Variants in PNRC2 observed in about 807,000 individuals in gnomAD.
PNRC2 encodes the protein proline rich nuclear receptor coactivator 2.
A neutral mutation model predicts 12.2 loss-of-function variants in PNRC2; 2 were observed. That is an observed-to-expected ratio of 0.16 (90% CI 0.07 to 0.52). The LOEUF is 0.52. Ranked by LOEUF, PNRC2 falls within the 20% of genes least tolerant of loss-of-function variation. The pLI is 0.95. For missense variants in PNRC2, 115 were observed against 158.4 expected (o/e 0.73, Z 1.47); for synonymous variants, 44 against 53.9 (o/e 0.82, Z 0.80).
chr1:23,962,915 AGCT>A lies in PNRC2; in HGVS notation c.*1042_*1044del, dbSNP rs1452860609. ...TAAGTTTTATAACTAAAAAGGTTTA[AGCT>A]GCTAAAACTATTTTTAAGAGATGTG... On this transcript the variant is annotated 3_prime_UTR_variant, in exon 3 of 3. Transcript: ENST00000334351. 1 of 166,924 alleles carries A rather than the reference AGCT, an allele frequency of 6.0e-6. No individual in the cohort carries two copies. The highest frequency in any genetic ancestry group is 2.4e-5 in the African/African-American group (1 of 41,428). 10.3% of individuals were successfully genotyped at this position (166,924 alleles called of 1,614,324 possible). A position where few individuals can be genotyped will look rare whatever the true frequency, so the allele number is the denominator to read the frequency against.
rs1439809438 is a variant in PNRC2, at chr1:23,962,769, C to T, written c.*892C>T. The T allele has an allele frequency of 2.4e-5, 4 of 166,914 alleles. No homozygotes were observed. Among genetic ancestry groups the T allele is most frequent in the Non-Finnish European group, 5.9e-5 (4 of 68,042 alleles). The allele number at this position is 166,914 out of a possible 1,614,324, so 10.3% of individuals were successfully genotyped here. On this transcript the variant is annotated 3_prime_UTR_variant, in exon 3 of 3. Coordinates refer to ENST00000334351, the MANE Select transcript of PNRC2 (RefSeq NM_017761.4). ...CCGTGGACTGTTTTTTATAATATGG[C>T]CTAATTTTAAAGGTCCAAAATAACT...
In PNRC2 at chr1:23,963,236, A is replaced by G. The variant is rs1217790167; in HGVS notation, c.*1359A>G. ...AGCAAGTATGTGGGTCAGCTTAAAA[A>G]TTTTGATTGTTAATGCCCTATTTTC... is the stretch of plus-strand genomic sequence containing the variant. On this transcript the variant is annotated 3_prime_UTR_variant, in exon 3 of 3. Transcript: ENST00000334351. 2 of 167,040 alleles carry G rather than the reference A, an allele frequency of 1.2e-5. No individual in the cohort carries two copies. The highest frequency in any genetic ancestry group is 2.9e-5 in the Non-Finnish European group (2 of 68,076). The allele number at this position is 167,040 out of a possible 1,614,324, so 10.3% of individuals were successfully genotyped here.
At position 23,961,622 on chromosome 1, in the gene PNRC2, C is replaced by T; in HGVS notation, c.165C>T (p.Ala55=). Reference sequence around the variant, plus strand: ...ATGGTTATAACTCATCAGCAGCTGCCTGGCAGGCCATGCAAAATGGGGGGA... The same window carrying T: ...ATGGTTATAACTCATCAGCAGCTGCTTGGCAGGCCATGCAAAATGGGGGGA... The part of the protein sequence containing the change: ...RGHGYNSSAA[A]WQAMQNGGKN... The change falls in exon 3 of 3, where the codon GCC becomes GCT. Residue 55 remains alanine, a synonymous_variant. Transcript: ENST00000334351. 6.2e-7 allele frequency: 1 copy of T among 1,613,880 alleles called. No homozygotes were observed. Among genetic ancestry groups the T allele is most frequent in the Non-Finnish European group, 8.5e-7 (1 of 1,179,808 alleles).
In PNRC2 at chr1:23,962,084, C is replaced by A. The variant is rs1369002543; in HGVS notation, c.*207C>A. On this transcript the variant is annotated 3_prime_UTR_variant, in exon 3 of 3. Coordinates refer to ENST00000334351, the MANE Select transcript of PNRC2 (RefSeq NM_017761.4). ...ATATTAAGTGTTCTCAACTGAGTAACTTTTAAGTGGAAACCAAGTTTAGAT... is the reference window on the plus strand; with the variant it reads ...ATATTAAGTGTTCTCAACTGAGTAAATTTTAAGTGGAAACCAAGTTTAGAT... 6 of 427,494 alleles carry A rather than the reference C, an allele frequency of 1.4e-5. No individual in the cohort carries two copies. The highest frequency in any genetic ancestry group is 2.2e-5 in the Non-Finnish European group (5 of 230,736). The allele number at this position is 427,494 out of a possible 1,614,324, so 26.5% of individuals were successfully genotyped here.
In PNRC2 at chr1:23,963,064, G is replaced by A. The variant is rs1641311310; in HGVS notation, c.*1187G>A. ...TAACCTAGGATACAGGTAGTTTCGAGTATGGTGCCAGTGATGTTTTGTTTT... is the reference window on the plus strand; with the variant it reads ...TAACCTAGGATACAGGTAGTTTCGAATATGGTGCCAGTGATGTTTTGTTTT... On this transcript the variant is annotated 3_prime_UTR_variant, in exon 3 of 3. Coordinates refer to ENST00000334351, the MANE Select transcript of PNRC2 (RefSeq NM_017761.4). 6.0e-6 allele frequency: 1 copy of A among 167,016 alleles called. No homozygotes were observed. The highest frequency in any genetic ancestry group is 1.5e-5 in the Non-Finnish European group (1 of 68,058). The allele number at this position is 167,016 out of a possible 1,614,324, so 10.3% of individuals were successfully genotyped here.
chr1:23,959,425 T>C (rs1344893872), upstream of PNRC2, among the ~76,000 whole-genome samples: 1 of 152,090 alleles, frequency 6.6e-6, no homozygotes, highest in Non-Finnish European at 1.5e-5. Flanking sequence ...CATCTGTCAA[T>C]ACAGGCTACA....
Position 23,961,620 on chromosome 1 carries a change from G to A in PNRC2, c.163G>A (p.Ala55Thr). Residue 55 changes from alanine to threonine, a missense_variant, in exon 3 of 3, where the codon GCC (alanine) becomes ACC (threonine). Around this residue, in one of 2 missense-constraint regions of PNRC2, gnomAD observed 98 missense variants for 112.4 expected, o/e 0.87. Coordinates refer to ENST00000334351, the MANE Select transcript of PNRC2 (RefSeq NM_017761.4). The part of the protein sequence containing the change: ...RGHGYNSSAA[A>T]WQAMQNGGKN... ...ACATGGTTATAACTCATCAGCAGCT[G>A]CCTGGCAGGCCATGCAAAATGGGGG... The A allele has an allele frequency of 6.2e-7, 1 of 1,613,968 alleles. No homozygotes were observed. Among genetic ancestry groups the A allele is most frequent in the Non-Finnish European group, 8.5e-7 (1 of 1,179,836 alleles).
At chr1:23,959,616 G>A (rs1641238008), upstream of PNRC2, among the ~76,000 whole-genome samples, 1 of 152,208 alleles carries the variant, frequency 6.6e-6, no homozygotes, top group Non-Finnish European at 1.5e-5. Flanking sequence ...AAAGGACTAA[G>A]ACACCGGTGG....
Position 23,961,982 on chromosome 1 carries a change from A to G in PNRC2, c.*105A>G. The G allele has an allele frequency of 1.5e-6, 1 of 681,254 alleles. No homozygotes were observed. Among genetic ancestry groups the G allele is most frequent in the Non-Finnish European group, 2.5e-6 (1 of 396,216 alleles). The allele number at this position is 681,254 out of a possible 1,614,324, so 42.2% of individuals were successfully genotyped here. A position where few individuals can be genotyped will look rare whatever the true frequency, so the allele number is the denominator to read the frequency against. ...TTGTGTAGAACTAATTAATGTAAAAAAAATAGACCATCTCGTGTTGTGTGC... is the reference window on the plus strand; with the variant it reads ...TTGTGTAGAACTAATTAATGTAAAAGAAATAGACCATCTCGTGTTGTGTGC... On this transcript the variant is annotated 3_prime_UTR_variant, in exon 3 of 3. Transcript: ENST00000334351.
chr1:23,961,272 T>C, intron 2 of PNRC2, 138 bp downstream of exon 2: 1 of 542,240 alleles, frequency 1.8e-6, no homozygotes, highest in Non-Finnish European at 3.3e-6. Context: ...TGTGCATATA[T>C]TGAAGTCTGA....
intron 2 of PNRC2, 86 bp from the exon 3 acceptor site, chr1:23,961,354 A>T: frequency 3.1e-6 from 3 of 967,136 alleles, no homozygotes; most frequent in South Asian, 1.7e-5. Flanking sequence ...ATCTGGAGTT[A>T]TAAGTTGGAG....
In PNRC2 at chr1:23,963,301, G is replaced by C. The variant is rs1641316188; in HGVS notation, c.*1424G>C. The C allele has an allele frequency of 6.0e-6, 1 of 166,960 alleles. No individual in the cohort carries two copies. Among genetic ancestry groups the C allele is most frequent in the Admixed American group, 6.5e-5 (1 of 15,278 alleles). 10.3% of individuals were successfully genotyped at this position (166,960 alleles called of 1,614,324 possible). A position where few individuals can be genotyped will look rare whatever the true frequency, so the allele number is the denominator to read the frequency against. On this transcript the variant is annotated 3_prime_UTR_variant, in exon 3 of 3. Transcript: ENST00000334351. ...TTGATGCCTAAGCAGGTAAGCAGATGCCTAAGCTGTATTTCTCCAAATAAA... is the reference window on the plus strand; with the variant it reads ...TTGATGCCTAAGCAGGTAAGCAGATCCCTAAGCTGTATTTCTCCAAATAAA...
At chr1:23,961,205 A>G (rs998327530) in intron 2 of PNRC2, 71 bp downstream of exon 2, 7 of 448,116 alleles carry the variant, frequency 1.6e-5, no homozygotes, top group African/African-American at 1.0e-4. Context: ...TTTAAAATAG[A>G]TTATGTAGAT....
At chr1:23,959,491 C>T (rs1365100071), upstream of PNRC2, among the ~76,000 whole-genome samples, 5 of 152,188 alleles carry the variant, frequency 3.3e-5, no homozygotes, top group Non-Finnish European at 7.3e-5. Context: ...AGTCTTTTCC[C>T]CCAGGGCAGT....
chr1:23,961,215 T>C, intron 2 of PNRC2, 81 bp downstream of exon 2: 1 of 456,682 alleles, frequency 2.2e-6, no homozygotes, highest in Non-Finnish European at 3.9e-6. Flanking sequence ...ATTATGTAGA[T>C]TTGTGGGTAA....
At position 23,962,285 on chromosome 1, in the gene PNRC2, C is replaced by A. The variant is rs1641295178; in HGVS notation, c.*408C>A. The A allele has an allele frequency of 5.6e-6, 1 of 177,104 alleles. No homozygotes were observed. Among genetic ancestry groups the A allele is most frequent in the African/African-American group, 2.4e-5 (1 of 41,392 alleles). The allele number at this position is 177,104 out of a possible 1,614,324, so 11.0% of individuals were successfully genotyped here. A position where few individuals can be genotyped will look rare whatever the true frequency, so the allele number is the denominator to read the frequency against. Reference sequence around the variant, plus strand: ...TTTAGTATATTAGAAACACCCAAACCAGTAATATGCTAACCTGATGCACTG... The same window carrying A: ...TTTAGTATATTAGAAACACCCAAACAAGTAATATGCTAACCTGATGCACTG... On this transcript the variant is annotated 3_prime_UTR_variant, in exon 3 of 3. Coordinates refer to ENST00000334351, the MANE Select transcript of PNRC2 (RefSeq NM_017761.4).
rs1641267449 is a variant in PNRC2, at chr1:23,961,035, G to A, written c.-118G>A. 7.4e-6 allele frequency: 3 copies of A among 405,192 alleles called. No individual in the cohort carries two copies. The East Asian group carries it at 1.1e-4, about 14-fold the overall frequency. 25.1% of individuals were successfully genotyped at this position (405,192 alleles called of 1,614,324 possible). On this transcript the variant is annotated 5_prime_UTR_variant, in exon 2 of 3. Transcript: ENST00000334351. ...ATGAAAACTTCTGTATTGAGACAAA[G>A]GAAGGGATCTGTCAGAAAGCAACAC... is the stretch of plus-strand genomic sequence containing the variant.
In PNRC2 at chr1:23,962,002, G is replaced by C. The variant is rs1439779646; in HGVS notation, c.*125G>C. On this transcript the variant is annotated 3_prime_UTR_variant, in exon 3 of 3. Coordinates refer to ENST00000334351, the MANE Select transcript of PNRC2 (RefSeq NM_017761.4). Reference sequence around the variant, plus strand: ...TAAAAAAAATAGACCATCTCGTGTTGTGTGCACTGTGATATAATGGTAGTA... The same window carrying C: ...TAAAAAAAATAGACCATCTCGTGTTCTGTGCACTGTGATATAATGGTAGTA... The C allele has an allele frequency of 1.3e-5, 8 of 624,974 alleles. No homozygotes were observed. The highest frequency in any genetic ancestry group is 2.3e-5 in the Non-Finnish European group (8 of 350,840). The allele number at this position is 624,974 out of a possible 1,614,324, so 38.7% of individuals were successfully genotyped here. A position where few individuals can be genotyped will look rare whatever the true frequency, so the allele number is the denominator to read the frequency against.
rs960811330 is a variant in PNRC2 at position 23,962,545 on chromosome 1, C to T, written c.*668C>T. 1.1e-4 allele frequency: 19 copies of T among 167,210 alleles called. No individual in the cohort carries two copies. Among genetic ancestry groups the T allele is most frequent in the South Asian group, 2.1e-4 (1 of 4,828 alleles). The allele number at this position is 167,210 out of a possible 1,614,324, so 10.4% of individuals were successfully genotyped here. ...TACATTTTTGTATTACAGCACTGCACAAGCTATTCTAATAGTGCTCTGGCC... is the reference window on the plus strand; with the variant it reads ...TACATTTTTGTATTACAGCACTGCATAAGCTATTCTAATAGTGCTCTGGCC... On this transcript the variant is annotated 3_prime_UTR_variant, in exon 3 of 3. Coordinates refer to ENST00000334351, the MANE Select transcript of PNRC2 (RefSeq NM_017761.4).
Sources: gnomAD v4.1 joint callset for allele counts (sites outside exome capture counted in the v4.1 genomes callset) on GRCh38, gnomAD v4.1.1 for gene constraint, gnomAD v4.1.1 regional missense constraint, MANE v1.5 for transcripts, NCBI Gene and HGNC (gene_info 2026-07-23, HGNC 2026-07-21) for gene names.